SPATA13: variants seen among roughly 807,000 people sequenced by gnomAD.
SPATA13 encodes the protein spermatogenesis-associated protein 13.
A neutral mutation model predicts 104.0 loss-of-function variants in SPATA13; 50 were observed. The ratio of observed to expected loss-of-function variants is 0.48; its 90% CI spans 0.38 to 0.61. The LOEUF (loss-of-function observed/expected upper bound fraction) is 0.61, where lower values mean the gene tolerates loss of function less well. Ranked by LOEUF, SPATA13 falls within the 20% of genes least tolerant of loss-of-function variation. The pLI is 0.00. For missense variants in SPATA13, 1,524 were observed against 1,690.6 expected, an observed-to-expected ratio of 0.90 and a Z score of 1.73; for synonymous variants, 606 against 667.5, an observed-to-expected ratio of 0.91 and a Z score of 1.42.
intron 2 of SPATA13, among the ~76,000 whole-genome samples, chr13:23,987,612 A>G (rs889394431): frequency 2.0e-5 from 3 of 152,208 alleles, no homozygotes; most frequent in Non-Finnish European, 4.4e-5. Context: ...TTGACTAATT[A>G]GAAGGTAAAA....
chr13:24,155,106 C>T (rs1266272258), intron 3 of SPATA13, among the ~76,000 whole-genome samples: 1 of 152,148 alleles, frequency 6.6e-6, no homozygotes, highest in African/African-American at 2.4e-5. Context: ...CCTCAGCCTC[C>T]CAAAGTGCTG....
At chr13:24,052,841 G>GCCCCCCCGCCGCCCCCCCCGCCC (rs1555257406) in intron 3 of SPATA13, among the ~76,000 whole-genome samples, 14 of 58,954 alleles carry the variant, frequency 2.4e-4, no homozygotes, top group Non-Finnish European at 3.1e-4. Context: ...GATCCTCCCC[G>GCCCCCCCGCCGCCCCCCCCGCCC]CCACTGTGCC....
rs367658269 is a variant in SPATA13, at chr13:24,249,665, G to A, written c.1842G>A (p.Lys614=). 6.2e-7 allele frequency: 1 copy of A among 1,614,220 alleles called. No individual in the cohort carries two copies. Among genetic ancestry groups the A allele is most frequent in the East Asian group, 2.2e-5 (1 of 44,882 alleles). Residue 614 remains lysine, a synonymous_variant, in exon 3 of 13, where the codon AAG becomes AAA. Coordinates refer to ENST00000382108, the MANE Select transcript of SPATA13 (RefSeq NM_001166271.3). ...PEDSVAADPQ[K]EDRVDEDPQA... The stretch of plus-strand genomic sequence containing the variant: ...ACTCGGTTGCTGCAGACCCCCAGAA[G>A]GAAGACCGTGTGGACGAGGACCCCC...
chr13:24,302,459 CAAAAAAAAAAAAAAA>C lies in SPATA13; in HGVS notation c.3659-123_3659-109del, dbSNP rs71070678. 2.3e-3 allele frequency: 455 copies of C among 193,662 alleles called. 1 individual carries two copies. The highest frequency in any genetic ancestry group is 5.4e-3 in the East Asian group (62 of 11,456). 12.0% of individuals were successfully genotyped at this position (193,662 alleles called of 1,614,324 possible). On this transcript the variant is annotated intron_variant, in intron 12 of 12. Coordinates refer to ENST00000382108, the MANE Select transcript of SPATA13 (RefSeq NM_001166271.3). ...CCTGGGTGACAGTAAGACCCTGTCT[CAAAAAAAAAAAAAAA>C]AAAAAAAAAAAAAAAGAATTAGCTG...
At chr13:24,093,988 C>A (rs920714143) in intron 3 of SPATA13, among the ~76,000 whole-genome samples, 5 of 152,060 alleles carry the variant, frequency 3.3e-5, no homozygotes, top group Non-Finnish European at 7.4e-5. Context: ...ATGCTGTAGG[C>A]CATGCCTGGA....
Position 24,191,174 on chromosome 13 carries a change from C to T in SPATA13, c.-112+30242C>T, listed in dbSNP as rs561683198. 2.8e-4 allele frequency among the ~76,000 whole-genome samples: 42 copies of T among 152,228 alleles called. 1 individual carries two copies. Among genetic ancestry groups the T allele is most frequent in the Admixed American group, 1.3e-3 (20 of 15,300 alleles). On this transcript the variant is annotated intron_variant, in intron 1 of 12. Transcript: ENST00000382108. ...TTATGTTTGTAGAGACAGCATCTCT[C>T]GATATTGCCTAGGCTGGTCTCGATC...
At chr13:24,110,882 G>A (rs146165849) in intron 3 of SPATA13, among the ~76,000 whole-genome samples, 5 of 152,254 alleles carry the variant, frequency 3.3e-5, no homozygotes, top group Admixed American at 3.3e-4. Context: ...AAATATGTTT[G>A]CACCATCTCT....
chr13:24,236,756 AG>A (rs1489067591), intron 2 of SPATA13, among the ~76,000 whole-genome samples: 4 of 152,220 alleles, frequency 2.6e-5, no homozygotes, highest in African/African-American at 9.6e-5. Flanking sequence ...TCACAAAGAT[AG>A]GGAGACATTG....
chr13:24,046,661 A>G (rs1025501820), intron 3 of SPATA13, among the ~76,000 whole-genome samples: 1 of 151,724 alleles, frequency 6.6e-6, no homozygotes, highest in African/African-American at 2.4e-5. Flanking sequence ...TCCAATGTAT[A>G]ATACCGAAAT....
At chr13:24,298,681 CCAT>C (rs1370972847) in intron 11 of SPATA13, among the ~76,000 whole-genome samples, 3 of 152,148 alleles carry the variant, frequency 2.0e-5, no homozygotes, top group African/African-American at 7.2e-5. Flanking sequence ...ACGCCCCTCC[CCAT>C]CCTTGCCCAC....
chr13:24,196,443 A>G (rs544449507), intron 1 of SPATA13, among the ~76,000 whole-genome samples: 1 of 152,328 alleles, frequency 6.6e-6, no homozygotes, highest in South Asian at 2.1e-4. Context: ...ACCTTTCCAC[A>G]GTGTACTAGA....
intron 3 of SPATA13, among the ~76,000 whole-genome samples, chr13:24,074,421 G>T (rs961211993): frequency 6.6e-6 from 1 of 152,070 alleles, no homozygotes; most frequent in Non-Finnish European, 1.5e-5. Flanking sequence ...TGGACACTTG[G>T]GTTGCTTCCA....
At chr13:24,123,832 T>G (rs1881122829) in intron 3 of SPATA13, 4 of 805,622 alleles carry the variant, frequency 5.0e-6, no homozygotes, top group Admixed American at 3.8e-5. Context: ...ACAAAGGCAG[T>G]GAAGGCCCAT....
rs1878326754 is a variant in SPATA13, at chr13:24,051,188, C to T, written c.-112+33487C>T. Among the ~76,000 whole-genome samples the T allele has an allele frequency of 1.3e-5, 2 of 152,164 alleles. No homozygotes were observed. Among genetic ancestry groups the T allele is most frequent in the Admixed American group, 1.3e-4 (2 of 15,282 alleles). On this transcript the variant is annotated intron_variant, in intron 3 of 14. Transcript: ENST00000424834. This position sits in a 1 kb window ranked among gnomAD's most constrained non-coding sequence, Gnocchi z 4.2. ...GTTTTTGGAGACCCTAGTTCTGCTCCCCAGTCTCCACGCAGCACATACCTT... is the reference window on the plus strand; with the variant it reads ...GTTTTTGGAGACCCTAGTTCTGCTCTCCAGTCTCCACGCAGCACATACCTT...
intron 4 of SPATA13, among the ~76,000 whole-genome samples, chr13:24,277,226 C>T (rs1448798172): frequency 6.6e-6 from 1 of 152,012 alleles, no homozygotes; most frequent in Non-Finnish European, 1.5e-5. Flanking sequence ...GGGCGGATCA[C>T]AAGGTCAGGA....
intron 3 of SPATA13, among the ~76,000 whole-genome samples, chr13:24,093,225 G>A (rs1879964826): frequency 6.6e-6 from 1 of 152,194 alleles, no homozygotes; most frequent in South Asian, 2.1e-4. Flanking sequence ...CTGGTTTCAA[G>A]CACGTTTTAT....
intron 2 of SPATA13, chr13:24,224,857 C>T (rs7326788): frequency 0.03 from 15,242 of 508,570 alleles, 1,832 homozygotes; most frequent in African/African-American, 0.26. Context: ...TGAACATGTA[C>T]CAGGTACTAG....
chr13:24,286,404 G>C lies in SPATA13; in HGVS notation c.2481+11G>C, dbSNP rs756489869. The C allele has an allele frequency of 2.5e-6, 4 of 1,607,526 alleles. No individual in the cohort carries two copies. Among genetic ancestry groups the C allele is most frequent in the African/African-American group, 1.3e-5 (1 of 74,644 alleles). ...GCGAGCTTCGTCAGAGTAAGTGTGG[G>C]GTGCTTGCAGCTTTTCCAAAGTACC... is the stretch of plus-strand genomic sequence containing the variant. On this transcript the variant is annotated intron_variant, in intron 6 of 12. Coordinates refer to ENST00000382108, the MANE Select transcript of SPATA13 (RefSeq NM_001166271.3). The surrounding 1 kb of genome is among the most constrained non-coding windows in gnomAD (Gnocchi z 4.9).
intron 2 of SPATA13, among the ~76,000 whole-genome samples, chr13:24,003,337 C>G (rs747171239): frequency 6.6e-6 from 1 of 152,160 alleles, no homozygotes; most frequent in African/African-American, 2.4e-5. Flanking sequence ...AATTTCATTA[C>G]TGAGCCATGA....
Sources: gnomAD v4.1 joint callset for allele counts (sites outside exome capture counted in the v4.1 genomes callset) on GRCh38, gnomAD v4.1.1 for gene constraint, Gnocchi (gnomAD v3.1) non-coding constraint, MANE v1.5 for transcripts, NCBI Gene and HGNC (gene_info 2026-07-23, HGNC 2026-07-21) for gene names.